Variants in GMIP observed in about 807,000 individuals in gnomAD.
GMIP encodes the protein GEM interacting protein.
GMIP carries 54 observed loss-of-function variants against 105.3 expected under a neutral mutation model. The ratio of observed to expected loss-of-function variants is 0.51; its 90% CI spans 0.41 to 0.64. GMIP has a LOEUF of 0.64. GMIP is among the 30% of genes least tolerant of loss of function. The pLI is 0.00. For missense variants in GMIP, 1,110 were observed against 1,319.4 expected, an observed-to-expected ratio of 0.84 and a Z score of 2.46; for synonymous variants, 541 against 560.8, an observed-to-expected ratio of 0.96 and a Z score of 0.50.
chr19:19,639,786 T>C (rs997763573), intron 7 of GMIP, among the ~76,000 whole-genome samples: 2 of 151,832 alleles, frequency 1.3e-5, no homozygotes, highest in Admixed American at 1.3e-4. Context: ...GAAGCGGAGG[T>C]TGCAGTGAGC....
intron 4 of GMIP, among the ~76,000 whole-genome samples, chr19:19,640,956 G>A (rs1373205677): frequency 6.6e-6 from 1 of 151,434 alleles, no homozygotes; most frequent in Non-Finnish European, 1.5e-5. Context: ...TAGTAGAGAC[G>A]AGGTTTCTCT....
intron 1 of GMIP, chr19:19,642,996 A>C: frequency 4.8e-6 from 1 of 208,768 alleles, no homozygotes; most frequent in East Asian, 1.1e-4. Flanking sequence ...GCAGAAACAC[A>C]CATGGAGAGA....
At chr19:19,632,317 C>T (rs983681831) in intron 19 of GMIP, among the ~76,000 whole-genome samples, 1 of 140,230 alleles carries the variant, frequency 7.1e-6, no homozygotes, top group Non-Finnish European at 1.6e-5. Context: ...ATTCCAACTG[C>T]GGCCGGGTGT....
chr19:19,643,566 G>A lies in GMIP; in HGVS notation c.-37C>T. On this transcript the variant is annotated 5_prime_UTR_variant, in exon 1 of 21. Transcript: ENST00000203556. Reference sequence around the variant, plus strand: ...GGGATCGCTCTGCAGGGACCGGGATGGGGATGGGGTCGCGCGCCGGCGGGG... The same window carrying A: ...GGGATCGCTCTGCAGGGACCGGGATAGGGATGGGGTCGCGCGCCGGCGGGG... 1 of 1,528,614 alleles carries A rather than the reference G, an allele frequency of 6.5e-7. No individual in the cohort carries two copies. Among genetic ancestry groups the A allele is most frequent in the Non-Finnish European group, 8.8e-7 (1 of 1,134,014 alleles). 94.7% of individuals were successfully genotyped at this position (1,528,614 alleles called of 1,614,324 possible). A position where few individuals can be genotyped will look rare whatever the true frequency, so the allele number is the denominator to read the frequency against.
rs367889175 is a variant in GMIP at position 19,634,813 on chromosome 19, G to A, written c.1866C>T (p.Val622=). 68 of 1,613,670 alleles carry A rather than the reference G, an allele frequency of 4.2e-5. No homozygotes were observed. The highest frequency in any genetic ancestry group is 1.6e-4 in the Middle Eastern group (1 of 6,084). Residue 622 remains valine (V), a synonymous_variant, in exon 17 of 21, where the codon GTC becomes GTT. Transcript: ENST00000203556. This position sits in a 1 kb window ranked among gnomAD's most constrained non-coding sequence, Gnocchi z 6.1. ...SGNSPHDVSS[V]LKRFLQELTE... ...CAACCTCCTGAAGAAATCGCTTGAGGACACTCGAGACGTCATGAGGCGAGT... is the reference window on the plus strand; with the variant it reads ...CAACCTCCTGAAGAAATCGCTTGAGAACACTCGAGACGTCATGAGGCGAGT...
rs116408585 is a variant in GMIP at position 19,637,044 on chromosome 19, G to A, written c.1125-15C>T. 2.2e-3 allele frequency: 3,283 copies of A among 1,503,994 alleles called. 46 individuals carry two copies. The African/African-American group carries it at 0.035, about 16-fold the overall frequency. The allele number at this position is 1,503,994 out of a possible 1,614,324, so 93.2% of individuals were successfully genotyped here. ...CCAGAGGGGAGCTGAGAAGACAGAA[G>A]TTTGAAGGTTTGAATCCCAGGAAAC... On this transcript the variant is annotated splice_polypyrimidine_tract_variant and intron_variant, in intron 11 of 20. Coordinates refer to ENST00000203556, the MANE Select transcript of GMIP (RefSeq NM_016573.4). This position sits in a 1 kb window ranked among gnomAD's most constrained non-coding sequence, Gnocchi z 6.7.
At chr19:19,631,110 AG>A (rs1271460839) in intron 19 of GMIP, among the ~76,000 whole-genome samples, 1 of 152,078 alleles carries the variant, frequency 6.6e-6, no homozygotes, top group Non-Finnish European at 1.5e-5. Context: ...CTGAGGCAGG[AG>A]AATCGCTTGG....
rs376377322 is a variant in GMIP at position 19,642,583 on chromosome 19, C to G, written c.56G>C (p.Ser19Thr). 13 of 1,610,182 alleles carry G rather than the reference C, an allele frequency of 8.1e-6. No individual in the cohort carries two copies. The highest frequency in any genetic ancestry group is 1.1e-5 in the Non-Finnish European group (13 of 1,176,798). Residue 19 changes from serine to threonine, a missense_variant, in exon 2 of 21, where the codon AGT (serine) becomes ACT (threonine). Ser to Thr is a moderately conservative substitution (Grantham distance 58). This residue lies in a region of GMIP where 667 missense variants were observed against 773.2 expected (regional missense o/e 0.86). Transcript: ENST00000203556. The stretch of plus-strand genomic sequence containing the variant: ...GTTGTCCAGGCTCCGGAAGATGTCA[C>G]TGTACCTCTTCCTGCCCTCAGGACC... ...PPGPEGRKRY[S>T]DIFRSLDNLE...
Position 19,634,513 on chromosome 19 carries a change from AGATGGGC to A in GMIP, c.2071_2077del (p.Ala691CysfsTer108). 6.2e-7 allele frequency: 1 copy of A among 1,609,198 alleles called. No homozygotes were observed. The highest frequency in any genetic ancestry group is 8.5e-7 in the Non-Finnish European group (1 of 1,178,564). ...CTCAGGGACCCATGCACACCTGAAC[AGATGGGC>A]CACCAGGTGCCGCAGGGTGTTGTAG... On this transcript the variant is annotated frameshift_variant, in exon 18 of 21. Transcript: ENST00000203556. LOFTEE classifies it high-confidence loss of function. This position sits in a 1 kb window ranked among gnomAD's most constrained non-coding sequence, Gnocchi z 6.1.
intron 19 of GMIP, 106 bp downstream of exon 19, chr19:19,633,697 A>C: frequency 1.3e-6 from 1 of 789,736 alleles, no homozygotes; most frequent in Non-Finnish European, 1.8e-6. Context: ...GGAAGGGAGG[A>C]AGAGAATGAA....
At chr19:19,639,281 A>G (rs1384386370) in intron 7 of GMIP, among the ~76,000 whole-genome samples, 1 of 149,062 alleles carries the variant, frequency 6.7e-6, no homozygotes, top group Non-Finnish European at 1.5e-5. Flanking sequence ...GGGTCTCACT[A>G]TGTTGCCCAG....
rs1302706479 is a variant in GMIP, at chr19:19,637,376, G to A, written c.1113C>T (p.Pro371=). 2.0e-6 allele frequency: 3 copies of A among 1,506,106 alleles called. No homozygotes were observed. Among genetic ancestry groups the A allele is most frequent in the Admixed American group, 2.4e-5 (1 of 40,954 alleles). 93.3% of individuals were successfully genotyped at this position (1,506,106 alleles called of 1,614,324 possible). A position where few individuals can be genotyped will look rare whatever the true frequency, so the allele number is the denominator to read the frequency against. The change falls in exon 11 of 21, where the codon CCC becomes CCT. Residue 371 remains proline (P), a synonymous_variant. Coordinates refer to ENST00000203556, the MANE Select transcript of GMIP (RefSeq NM_016573.4). This position sits in a 1 kb window ranked among gnomAD's most constrained non-coding sequence, Gnocchi z 6.7. The part of the protein sequence containing the change: ...PPAFSFQEFL[P]SLNSSPLDIR... ...CTCCAGTGACCCACCTGTTCAAGGA[G>A]GGAAGGAACTCCTGGAAGGAGAAGG...
rs763426624 is a variant in GMIP at position 19,636,750 on chromosome 19, G to A, written c.1284C>T (p.Gly428=). 138 of 1,613,390 alleles carry A rather than the reference G, an allele frequency of 8.6e-5. No individual in the cohort carries two copies. Among genetic ancestry groups the A allele is most frequent in the African/African-American group, 1.1e-4 (8 of 74,854 alleles). The change falls in exon 13 of 21, where the codon GGC becomes GGT. Residue 428 remains glycine, a synonymous_variant. Coordinates refer to ENST00000203556, the MANE Select transcript of GMIP (RefSeq NM_016573.4). Reference sequence around the variant, plus strand: ...AGTCCAGGGACCGAGACTCGCTGCCGCCACCCACGCTGTCCACATCGCTGC... The same window carrying A: ...AGTCCAGGGACCGAGACTCGCTGCCACCACCCACGCTGTCCACATCGCTGC... ...TPGSDVDSVG[G]GSESRSLDSP... is the part of the protein sequence containing the mutation.
Position 19,630,673 on chromosome 19 carries a change from G to T in GMIP, c.2473-136C>A. On this transcript the variant is annotated intron_variant, in intron 19 of 20. Coordinates refer to ENST00000203556, the MANE Select transcript of GMIP (RefSeq NM_016573.4). The surrounding 1 kb of genome is among the most constrained non-coding windows in gnomAD (Gnocchi z 4.8). Reference sequence around the variant, plus strand: ...AAGGCCCTGAGGTAGGAGCATGCCTGGTATGTTAGGACGCAGCCCCACCCT... The same window carrying T: ...AAGGCCCTGAGGTAGGAGCATGCCTTGTATGTTAGGACGCAGCCCCACCCT... 1 of 723,990 alleles carries T rather than the reference G, an allele frequency of 1.4e-6. No individual in the cohort carries two copies. Among genetic ancestry groups the T allele is most frequent in the Non-Finnish European group, 2.4e-6 (1 of 417,532 alleles). 44.8% of individuals were successfully genotyped at this position (723,990 alleles called of 1,614,324 possible). A position where few individuals can be genotyped will look rare whatever the true frequency, so the allele number is the denominator to read the frequency against.
chr19:19,638,192 C>T lies in GMIP; in HGVS notation c.756G>A (p.Arg252=). The T allele has an allele frequency of 1.3e-6, 2 of 1,592,940 alleles. No individual in the cohort carries two copies. The highest frequency in any genetic ancestry group is 2.7e-5 in the African/African-American group (2 of 74,854). ...GGGCCTCCTCTCGCGAGCGCCGCCG[C>T]CGCTCCTGCTGCTTGCTAGGTCCCG... ...ASPGPSKQQE[R]RRRSREEAQA... is the part of the protein sequence containing the mutation. The change falls in exon 9 of 21, where the codon CGG becomes CGA. Residue 252 remains arginine, a synonymous_variant. Transcript: ENST00000203556.
At chr19:19,636,288 C>T (rs780054217) in intron 13 of GMIP, among the ~76,000 whole-genome samples, 22 of 151,462 alleles carry the variant, frequency 1.5e-4, no homozygotes, top group South Asian at 2.1e-4. Flanking sequence ...TTTGGGAGAC[C>T]GAGGCAGGTG....
intron 1 of GMIP, chr19:19,643,163 A>T: frequency 3.3e-6 from 1 of 302,168 alleles, no homozygotes; most frequent in Non-Finnish European, 6.1e-6. Context: ...CCGACTCCCC[A>T]GGGCTACAGA....
At chr19:19,632,486 A>G (rs1174807422) in intron 19 of GMIP, among the ~76,000 whole-genome samples, 17 of 152,100 alleles carry the variant, frequency 1.1e-4, no homozygotes, top group Non-Finnish European at 1.5e-5. Context: ...GTGAGCCGAG[A>G]TCGCACCACT....
Position 19,635,417 on chromosome 19 carries a change from C to T in GMIP, c.1558G>A (p.Glu520Lys). The T allele has an allele frequency of 6.2e-7, 1 of 1,609,140 alleles. No homozygotes were observed. The highest frequency in any genetic ancestry group is 8.5e-7 in the Non-Finnish European group (1 of 1,179,560). Residue 520 changes from glutamate to lysine, a missense_variant and splice_region_variant, in exon 15 of 21, where the codon GAG becomes AAG. By Grantham distance (56) the Glu-to-Lys change is moderately conservative. This residue lies in a region of GMIP where 667 missense variants were observed against 773.2 expected (regional missense o/e 0.86). Coordinates refer to ENST00000203556, the MANE Select transcript of GMIP (RefSeq NM_016573.4). This position sits in a 1 kb window ranked among gnomAD's most constrained non-coding sequence, Gnocchi z 4.7. ...AFMVSGTECE[E>K]CFLTCHKRCL... The stretch of plus-strand genomic sequence containing the variant: ...TTGGTCATTAACCCAGGCCACACCT[C>T]CTCACACTCCGTCCCGCTGACCATG...
Sources: gnomAD v4.1 joint callset for allele counts (sites outside exome capture counted in the v4.1 genomes callset) on GRCh38, gnomAD v4.1.1 for gene constraint, gnomAD v4.1.1 regional missense constraint, Gnocchi (gnomAD v3.1) non-coding constraint, MANE v1.5 for transcripts, NCBI Gene and HGNC (gene_info 2026-07-23, HGNC 2026-07-21) for gene names.